HBS1L: variants seen among roughly 807,000 people sequenced by gnomAD.
The protein encoded by HBS1L is HBS1-like protein.
A neutral mutation model predicts 88.9 loss-of-function variants in HBS1L; 55 were observed. The ratio of observed to expected loss-of-function variants is 0.62; its 90% CI spans 0.50 to 0.77. The LOEUF (loss-of-function observed/expected upper bound fraction) is 0.77. Among genes scored for constraint, HBS1L ranks in the 30% least tolerant of loss-of-function variants. HBS1L has a pLI of 0.00. For missense variants in HBS1L, 741 were observed against 829.3 expected, an observed-to-expected ratio of 0.89 and a Z score of 1.31; for synonymous variants, 267 against 288.5, an observed-to-expected ratio of 0.93 and a Z score of 0.76.
intron 4 of HBS1L, among the ~76,000 whole-genome samples, chr6:135,028,765 T>C (rs1305130363): frequency 1.3e-5 from 2 of 152,118 alleles, no homozygotes; most frequent in Non-Finnish European, 2.9e-5. Flanking sequence ...AATAATAATG[T>C]CTAATGTTAT....
Position 134,993,826 on chromosome 6 carries a change from C to G in HBS1L, c.1015G>C (p.Val339Leu). 1.2e-6 allele frequency: 2 copies of G among 1,606,630 alleles called. No homozygotes were observed. The highest frequency in any genetic ancestry group is 1.7e-6 in the Non-Finnish European group (2 of 1,175,148). ...CCTGGAGCATCCATTAATGTAATAA[C>G]TTTGGTTGTGGTTTCAAACTTTGTC... ...GMTKFETTTK[V>L]ITLMDAPGHK... The change falls in exon 8 of 18, where the codon GTT (valine) becomes CTT (leucine). Residue 339 changes from valine (V) to leucine (L), a missense_variant. By Grantham distance (32) the Val-to-Leu change is conservative. Coordinates refer to ENST00000367837, the MANE Select transcript of HBS1L (RefSeq NM_006620.4).
intron 4 of HBS1L, among the ~76,000 whole-genome samples, chr6:135,018,642 A>C (rs942297743): frequency 3.3e-5 from 5 of 152,022 alleles, no homozygotes; most frequent in African/African-American, 1.2e-4. Context: ...TCCTTTAAAA[A>C]GGAGATTTAT....
intron 4 of HBS1L, among the ~76,000 whole-genome samples, chr6:135,039,261 G>A (rs1308728238): frequency 6.6e-6 from 1 of 152,086 alleles, no homozygotes; most frequent in Non-Finnish European, 1.5e-5. Flanking sequence ...GGAGGCTGCT[G>A]TGAGCAAAAT....
chr6:135,032,092 C>T lies in HBS1L; in HGVS notation c.430+7481G>A, dbSNP rs188830471. Among the ~76,000 whole-genome samples, 140 of 151,700 alleles carry T rather than the reference C, an allele frequency of 9.2e-4. 1 individual carries two copies. The highest frequency in any genetic ancestry group is 3.3e-3 in the African/African-American group (136 of 41,458). On this transcript the variant is annotated intron_variant, in intron 4 of 17. Coordinates refer to ENST00000367837, the MANE Select transcript of HBS1L (RefSeq NM_006620.4). ...AGTAAAAGAATATATAAAATTTTAC[C>T]CCATGGAAGGCAAGAATTCTAAATG...
chr6:135,049,090 G>A lies in HBS1L; in HGVS notation c.109+1492C>T, dbSNP rs138996821. Among the ~76,000 whole-genome samples, 56 of 152,342 alleles carry A rather than the reference G, an allele frequency of 3.7e-4. 1 individual carries two copies. The highest frequency in any genetic ancestry group is 6.8e-3 in the Middle Eastern group (2 of 294). ...AGAGGGTAATTAAGACAAGGAGGAT[G>A]TATTAGTCCATTCAGGCTGCTATAA... On this transcript the variant is annotated intron_variant, in intron 2 of 17. Transcript: ENST00000367837.
intron 6 of HBS1L, 147 bp from the exon 7 acceptor site, chr6:134,997,089 A>G (rs1775310188): frequency 2.2e-6 from 1 of 459,262 alleles, no homozygotes; most frequent in Non-Finnish European, 3.4e-6. Context: ...CATCTAATAG[A>G]AAAAAAAAAG....
chr6:134,995,649 G>A (rs1185109197), intron 7 of HBS1L, among the ~76,000 whole-genome samples: 1 of 151,198 alleles, frequency 6.6e-6, no homozygotes, highest in Admixed American at 6.6e-5. Context: ...ATAATGCAAA[G>A]AAAACTAAAA....
chr6:135,048,076 G>A (rs6915770), intron 2 of HBS1L, among the ~76,000 whole-genome samples: 70,912 of 152,030 alleles, frequency 0.47, 16,878 homozygotes, highest in South Asian at 0.56. Context: ...CTGGATTGAA[G>A]TCACTGCAAA....
intron 13 of HBS1L, among the ~76,000 whole-genome samples, chr6:134,981,915 C>T (rs1323509986): frequency 6.6e-6 from 1 of 152,076 alleles, no homozygotes; most frequent in Admixed American, 6.6e-5. Context: ...CAGTGACTGG[C>T]AATTTAAACT....
At chr6:135,035,515 C>T (rs552639833) in intron 4 of HBS1L, among the ~76,000 whole-genome samples, 2 of 150,266 alleles carry the variant, frequency 1.3e-5, no homozygotes, top group South Asian at 2.1e-4. Context: ...CCAAGGCGGG[C>T]GGATCATGAG....
chr6:135,019,795 C>T (rs1776021437), intron 4 of HBS1L, among the ~76,000 whole-genome samples: 1 of 151,778 alleles, frequency 6.6e-6, no homozygotes, highest in Non-Finnish European at 1.5e-5. Context: ...AGCAAGATGG[C>T]TTAAGAAGAC....
chr6:135,040,419 T>A (rs1016977521), intron 3 of HBS1L, among the ~76,000 whole-genome samples: 4 of 145,856 alleles, frequency 2.7e-5, no homozygotes, highest in African/African-American at 1.0e-4. Flanking sequence ...TGGCGTGATC[T>A]CAGCTCACTG....
chr6:135,006,772 T>C (rs1038451590), intron 4 of HBS1L, among the ~76,000 whole-genome samples: 2 of 152,026 alleles, frequency 1.3e-5, no homozygotes, highest in Non-Finnish European at 2.9e-5. Flanking sequence ...GGAAGGAGGA[T>C]ACTTAAGAGC....
intron 4 of HBS1L, among the ~76,000 whole-genome samples, chr6:135,029,216 A>G (rs1268369570): frequency 6.6e-6 from 1 of 152,158 alleles, no homozygotes; most frequent in Non-Finnish European, 1.5e-5. Flanking sequence ...TAAGAAAAAA[A>G]GCTAATAAAT....
intron 5 of HBS1L, among the ~76,000 whole-genome samples, chr6:135,001,893 A>G (rs1410621084): frequency 6.6e-6 from 1 of 151,742 alleles, no homozygotes; most frequent in African/African-American, 2.4e-5. Context: ...AAAAAAAAAT[A>G]AATAAGGTTC....
chr6:134,976,627 T>C (rs566827367), intron 15 of HBS1L, among the ~76,000 whole-genome samples: 46 of 152,218 alleles, frequency 3.0e-4, no homozygotes, highest in African/African-American at 1.1e-3. Flanking sequence ...TGGAGGATAT[T>C]ATTCTAAGAG....
intron 7 of HBS1L, among the ~76,000 whole-genome samples, chr6:134,995,739 T>A (rs1224015015): frequency 6.6e-6 from 1 of 152,010 alleles, no homozygotes; most frequent in East Asian, 1.9e-4. Flanking sequence ...CATATACAAT[T>A]ACATTGTTTT....
At chr6:135,054,529 C>T in intron 1 of HBS1L, 120 bp downstream of exon 1, 1 of 1,135,944 alleles carries the variant, frequency 8.8e-7, no homozygotes, top group Non-Finnish European at 1.3e-6. Flanking sequence ...CCAACTGGGG[C>T]TCTCCCAATC....
intron 4 of HBS1L, among the ~76,000 whole-genome samples, chr6:135,022,210 A>G (rs1049106759): frequency 6.6e-6 from 1 of 152,160 alleles, no homozygotes; most frequent in African/African-American, 2.4e-5. Context: ...AGTAATATCT[A>G]GCACATTAAA....
Sources: gnomAD v4.1 joint callset for allele counts (sites outside exome capture counted in the v4.1 genomes callset) on GRCh38, gnomAD v4.1.1 for gene constraint, MANE v1.5 for transcripts, NCBI Gene and HGNC (gene_info 2026-07-23, HGNC 2026-07-21) for gene names.